Variants in MAPRE2 observed in about 807,000 individuals in gnomAD.
The protein encoded by MAPRE2 is microtubule associated protein RP/EB family member 2.
A neutral mutation model predicts 43.2 loss-of-function variants in MAPRE2; 13 were observed. The ratio of observed to expected loss-of-function variants is 0.30; its 90% CI spans 0.20 to 0.48. MAPRE2 has a LOEUF of 0.48. Ranked by LOEUF, MAPRE2 falls within the 20% of genes least tolerant of loss-of-function variation. MAPRE2 has a pLI of 0.99. For missense variants in MAPRE2, 161 were observed against 400.2 expected, an observed-to-expected ratio of 0.40 and a Z score of 5.10; for synonymous variants, 135 against 148.8, an observed-to-expected ratio of 0.91 and a Z score of 0.68.
intron 1 of MAPRE2, among the ~76,000 whole-genome samples, chr18:35,042,881 A>C (rs548006295): frequency 3.3e-5 from 5 of 151,922 alleles, no homozygotes; most frequent in South Asian, 2.1e-4. Flanking sequence ...AAAGTACCCT[A>C]CTTCCTTTCT....
intron 1 of MAPRE2, chr18:35,041,883 C>A: frequency 1.8e-6 from 2 of 1,085,218 alleles, no homozygotes; most frequent in Non-Finnish European, 2.5e-6. Flanking sequence ...AGGTTTGCTG[C>A]CTTCGAGGGG....
At chr18:35,013,999 TAA>T (rs1354437286) in intron 2 of MAPRE2, among the ~76,000 whole-genome samples, 1 of 152,160 alleles carries the variant, frequency 6.6e-6, no homozygotes, top group Non-Finnish European at 1.5e-5. Flanking sequence ...CTCTTTGACA[TAA>T]TGATTTACTT....
rs774679967 is a variant in MAPRE2 at position 35,140,723 on chromosome 18, A to G, written c.*354A>G. The G allele has an allele frequency of 8.1e-6, 2 of 248,104 alleles. No homozygotes were observed. Among genetic ancestry groups the G allele is most frequent in the South Asian group, 1.2e-4 (1 of 8,206 alleles). 15.4% of individuals were successfully genotyped at this position (248,104 alleles called of 1,614,324 possible). On this transcript the variant is annotated 3_prime_UTR_variant, in exon 7 of 7. Coordinates refer to ENST00000300249, the MANE Select transcript of MAPRE2 (RefSeq NM_014268.4). ...CCTCTTTTTATCCTGGTGTGAAACAATGGTAATTTGATATATGGTATTTAT... is the reference window on the plus strand; with the variant it reads ...CCTCTTTTTATCCTGGTGTGAAACAGTGGTAATTTGATATATGGTATTTAT...
intron 2 of MAPRE2, among the ~76,000 whole-genome samples, chr18:35,015,241 C>A (rs895838094): frequency 6.6e-6 from 1 of 152,070 alleles, no homozygotes; most frequent in African/African-American, 2.4e-5. Flanking sequence ...GGGGAAGGAG[C>A]AAGACCTGTA....
intron 4 of MAPRE2, among the ~76,000 whole-genome samples, chr18:35,107,734 G>A (rs1465521006): frequency 6.6e-6 from 1 of 152,032 alleles, no homozygotes; most frequent in Non-Finnish European, 1.5e-5. Flanking sequence ...GTGTTTGATG[G>A]TATTATTCAG....
intron 1 of MAPRE2, among the ~76,000 whole-genome samples, chr18:34,989,813 A>T (rs1314311999): frequency 2.0e-5 from 3 of 151,956 alleles, no homozygotes; most frequent in Non-Finnish European, 4.4e-5. Flanking sequence ...TTCTGCAGAC[A>T]TTCTCATTCA....
intron 1 of MAPRE2, among the ~76,000 whole-genome samples, chr18:35,060,208 G>T (rs1346176256): frequency 6.6e-6 from 1 of 152,164 alleles, no homozygotes; most frequent in Non-Finnish European, 1.5e-5. Context: ...TAAGGTCAGG[G>T]TAAGAGGGAA....
At chr18:34,988,121 C>T (rs1159481881) in intron 1 of MAPRE2, among the ~76,000 whole-genome samples, 4 of 152,074 alleles carry the variant, frequency 2.6e-5, no homozygotes, top group African/African-American at 7.2e-5. Flanking sequence ...ATTTATATAC[C>T]AATACCACAT....
At chr18:35,041,343 G>T, upstream of MAPRE2, 1 of 1,436,756 alleles carries the variant, frequency 7.0e-7, no homozygotes, top group East Asian at 2.5e-5. Context: ...CCAGGGTGCT[G>T]CTGCCGGCGC....
At chr18:35,052,756 T>C (rs1028221226) in intron 1 of MAPRE2, among the ~76,000 whole-genome samples, 2 of 152,196 alleles carry the variant, frequency 1.3e-5, no homozygotes, top group African/African-American at 4.8e-5. Context: ...GCCATCCTTA[T>C]GGATGTAGAA....
chr18:34,983,209 G>A (rs1414142374), intron 1 of MAPRE2, among the ~76,000 whole-genome samples: 1 of 152,124 alleles, frequency 6.6e-6, no homozygotes, highest in African/African-American at 2.4e-5. Context: ...CCAACCATAG[G>A]TCAACTAATC....
intron 1 of MAPRE2, among the ~76,000 whole-genome samples, chr18:34,990,089 A>G (rs2097023012): frequency 6.6e-6 from 1 of 152,146 alleles, no homozygotes; most frequent in Non-Finnish European, 1.5e-5. Context: ...GAATTGTTTC[A>G]TTTTCCAATA....
intron 2 of MAPRE2, among the ~76,000 whole-genome samples, chr18:35,013,397 T>C (rs926073425): frequency 6.6e-6 from 1 of 152,282 alleles, no homozygotes; most frequent in East Asian, 1.9e-4. Context: ...TTTTGTTAAT[T>C]GACAAATAGT....
intron 2 of MAPRE2, among the ~76,000 whole-genome samples, chr18:35,085,181 A>G (rs953846432): frequency 1.3e-5 from 2 of 152,168 alleles, no homozygotes; most frequent in African/African-American, 4.8e-5. Context: ...AGGTAGAGAG[A>G]TTTCTGCTGA....
chr18:35,074,078 A>G (rs1265296240), intron 2 of MAPRE2, among the ~76,000 whole-genome samples: 1 of 152,210 alleles, frequency 6.6e-6, no homozygotes, highest in Non-Finnish European at 1.5e-5. Context: ...AGCTATATAA[A>G]TGGAGAGTGG....
intron 1 of MAPRE2, among the ~76,000 whole-genome samples, chr18:34,982,732 G>A (rs1217835607): frequency 6.6e-6 from 1 of 151,986 alleles, no homozygotes; most frequent in East Asian, 1.9e-4. Flanking sequence ...AAAATCACTG[G>A]CAAACTTCAT....
chr18:34,995,121 G>A (rs571834158), intron 1 of MAPRE2, among the ~76,000 whole-genome samples: 7 of 152,238 alleles, frequency 4.6e-5, no homozygotes, highest in East Asian at 3.9e-4. Flanking sequence ...ATCAGTGGGC[G>A]CTTCTTTTCC....
intron 1 of MAPRE2, among the ~76,000 whole-genome samples, chr18:35,051,817 T>C (rs1889321963): frequency 6.6e-6 from 1 of 152,234 alleles, no homozygotes; most frequent in Non-Finnish European, 1.5e-5. Flanking sequence ...CCCAGGGTTC[T>C]TATGCAGATT....
chr18:34,997,587 G>A (rs1236356032), intron 1 of MAPRE2, among the ~76,000 whole-genome samples: 4 of 152,096 alleles, frequency 2.6e-5, no homozygotes, highest in African/African-American at 7.2e-5. Context: ...AGGCTGAGGC[G>A]GGCGGATCCC....
Sources: allele counts gnomAD v4.1 joint callset (sites outside exome capture counted in the v4.1 genomes callset), GRCh38; gene constraint gnomAD v4.1.1; transcripts MANE v1.5; gene names NCBI Gene and HGNC (gene_info 2026-07-23, HGNC 2026-07-21).